PRICKLE2: variants seen among roughly 807,000 people sequenced by gnomAD.
PRICKLE2 encodes the protein prickle planar cell polarity protein 2.
A neutral mutation model predicts 81.4 loss-of-function variants in PRICKLE2; 21 were observed. The observed-to-expected ratio is 0.26, with a 90% CI of 0.18 to 0.37. The LOEUF is 0.37. Ranked by LOEUF, PRICKLE2 falls within the 10% of genes least tolerant of loss-of-function variation. The pLI is 1.00. For synonymous variants in PRICKLE2, 456 were observed against 421.5 expected (o/e 1.08, Z -1.00); for missense variants, 940 against 1,109.0 (o/e 0.85, Z 2.16).
rs1330211769 is a variant in PRICKLE2, at chr3:64,092,613, T to G, written c.*6438A>C. ...CCTGGCTCCCAGTCAGTGTTAATGC[T>G]GCCCTAACCAGAACACAGACATGGA... On this transcript the variant is annotated 3_prime_UTR_variant, in exon 8 of 8. Coordinates refer to ENST00000638394, the MANE Select transcript of PRICKLE2 (RefSeq NM_198859.4). The G allele has an allele frequency of 6.6e-6, 1 of 152,250 alleles. No homozygotes were observed. The highest frequency in any genetic ancestry group is 1.5e-5 in the Non-Finnish European group (1 of 68,046). 9.4% of individuals were successfully genotyped at this position (152,250 alleles called of 1,614,324 possible).
intron 2 of PRICKLE2, among the ~76,000 whole-genome samples, chr3:64,239,147 G>A (rs576349927): frequency 2.0e-5 from 3 of 152,020 alleles, no homozygotes; most frequent in East Asian, 1.9e-4. Context: ...CCTCACAGCC[G>A]GCTCCACACA....
intron 2 of PRICKLE2, among the ~76,000 whole-genome samples, chr3:64,193,037 T>C (rs1272315313): frequency 4.6e-5 from 7 of 152,128 alleles, no homozygotes; most frequent in Admixed American, 4.6e-4. Flanking sequence ...GTTATGATCT[T>C]CCTGGAGAGT....
At chr3:64,264,362 A>G (rs1238032043) in intron 2 of PRICKLE2, among the ~76,000 whole-genome samples, 1 of 152,168 alleles carries the variant, frequency 6.6e-6, no homozygotes, top group Non-Finnish European at 1.5e-5. Flanking sequence ...CCACCTGGAT[A>G]TTTCTTAAAT....
chr3:64,191,349 G>C (rs144622466), intron 2 of PRICKLE2, among the ~76,000 whole-genome samples: 6 of 152,270 alleles, frequency 3.9e-5, no homozygotes, highest in African/African-American at 1.4e-4. Flanking sequence ...GGAAACAACT[G>C]ACTTATTGAG....
chr3:64,193,863 C>T (rs697281), intron 2 of PRICKLE2, among the ~76,000 whole-genome samples: 55,228 of 152,060 alleles, frequency 0.36, 11,166 homozygotes, highest in East Asian at 0.69. Flanking sequence ...TCTGCCATCA[C>T]TGTGAGACTT....
intron 1 of PRICKLE2, among the ~76,000 whole-genome samples, chr3:64,202,809 A>G (rs568623209): frequency 5.9e-5 from 9 of 152,132 alleles, no homozygotes; most frequent in Non-Finnish European, 1.3e-4. Context: ...ACAATGTTCA[A>G]CAGAAGTAGC....
At chr3:64,235,638 C>T (rs969717257) in intron 2 of PRICKLE2, among the ~76,000 whole-genome samples, 3 of 152,178 alleles carry the variant, frequency 2.0e-5, no homozygotes, top group Non-Finnish European at 4.4e-5. Flanking sequence ...GATGTCCCTC[C>T]GGAGGGCCTG....
intron 2 of PRICKLE2, among the ~76,000 whole-genome samples, chr3:64,197,436 ATTGT>A (rs2078476826): frequency 6.6e-6 from 1 of 151,902 alleles, no homozygotes; most frequent in Non-Finnish European, 1.5e-5. Flanking sequence ...TTTTAATGGG[ATTGT>A]TTGGTTTTTC....
At chr3:64,161,073 C>T (rs2077725673) in intron 3 of PRICKLE2, among the ~76,000 whole-genome samples, 1 of 152,156 alleles carries the variant, frequency 6.6e-6, no homozygotes, top group South Asian at 2.1e-4. Flanking sequence ...AATCCTAAAA[C>T]AGAGATCCCT....
At position 64,136,164 on chromosome 3, in the gene PRICKLE2, G is replaced by A. The variant is rs1220994237; in HGVS notation, c.1660+10666C>T. On this transcript the variant is annotated intron_variant, in intron 7 of 7. Transcript: ENST00000638394. ...TCAAGGACATCTTCAGAAATTTTGA[G>A]AGGAGATATAATCCACTTTTTCTTT... Among the ~76,000 whole-genome samples, 3 of 152,124 alleles carry A rather than the reference G, an allele frequency of 2.0e-5. No individual in the cohort carries two copies. In the East Asian group the frequency reaches 5.8e-4, roughly 29 times the overall value.
At chr3:64,267,870 T>G (rs958781964) in intron 2 of PRICKLE2, 4 of 152,230 alleles carry the variant, frequency 2.6e-5, no homozygotes, top group Admixed American at 2.0e-4. Flanking sequence ...CCGCCCTCTG[T>G]GCTCCCCGGC....
intron 7 of PRICKLE2, among the ~76,000 whole-genome samples, chr3:64,116,715 AC>A (rs1224783851): frequency 6.6e-6 from 1 of 152,182 alleles, no homozygotes; most frequent in Non-Finnish European, 1.5e-5. Flanking sequence ...TAGCCTACCA[AC>A]CAAAAAAAGC....
chr3:64,172,899 A>T (rs1486807273), intron 2 of PRICKLE2, among the ~76,000 whole-genome samples: 1 of 152,328 alleles, frequency 6.6e-6, no homozygotes, highest in African/African-American at 2.4e-5. Flanking sequence ...CAGGAAGAAA[A>T]GCCTCACCAG....
intron 2 of PRICKLE2, among the ~76,000 whole-genome samples, chr3:64,165,438 A>C (rs2077814204): frequency 6.6e-6 from 1 of 152,192 alleles, no homozygotes; most frequent in Non-Finnish European, 1.5e-5. Flanking sequence ...AGGCACAAGC[A>C]TGTGGCTCTT....
chr3:64,265,013 C>T (rs574016379), intron 2 of PRICKLE2, among the ~76,000 whole-genome samples: 46 of 152,294 alleles, frequency 3.0e-4, no homozygotes, highest in Non-Finnish European at 5.4e-4. Context: ...ACAGTACCTG[C>T]GTCTGTTCCC....
At chr3:64,239,952 CAAAAAAAAAAA>C (rs57932723) in intron 2 of PRICKLE2, among the ~76,000 whole-genome samples, 8 of 32,244 alleles carry the variant, frequency 2.5e-4, no homozygotes, top group East Asian at 1.1e-3. Flanking sequence ...CCATCGCTAC[CAAAAAAAAAAA>C]AAAAAAAAAA....
At position 64,093,399 on chromosome 3, in the gene PRICKLE2, G is replaced by A. The variant is rs1296765481; in HGVS notation, c.*5652C>T. 6.6e-6 allele frequency: 1 copy of A among 152,212 alleles called. No individual in the cohort carries two copies. The highest frequency in any genetic ancestry group is 1.5e-5 in the Non-Finnish European group (1 of 68,060). 9.4% of individuals were successfully genotyped at this position (152,212 alleles called of 1,614,324 possible). A position where few individuals can be genotyped will look rare whatever the true frequency, so the allele number is the denominator to read the frequency against. ...TGGGTATAGCCCAGAAGTAGCATATGGTAGTAATTCTATTTTTAATTTTTT... is the reference window on the plus strand; with the variant it reads ...TGGGTATAGCCCAGAAGTAGCATATAGTAGTAATTCTATTTTTAATTTTTT... On this transcript the variant is annotated 3_prime_UTR_variant, in exon 8 of 8. Coordinates refer to ENST00000638394, the MANE Select transcript of PRICKLE2 (RefSeq NM_198859.4).
At chr3:64,136,633 G>A (rs2077284357) in intron 7 of PRICKLE2, among the ~76,000 whole-genome samples, 1 of 151,994 alleles carries the variant, frequency 6.6e-6, no homozygotes, top group Non-Finnish European at 1.5e-5. Context: ...TTTACGTATA[G>A]GCAGAGGAGG....
At chr3:64,138,185 A>C (rs1270296882) in intron 7 of PRICKLE2, among the ~76,000 whole-genome samples, 1 of 151,764 alleles carries the variant, frequency 6.6e-6, no homozygotes, top group Non-Finnish European at 1.5e-5. Context: ...CTTTGAAAAC[A>C]TGACCTTGAT....
Sources: allele counts gnomAD v4.1 joint callset (sites outside exome capture counted in the v4.1 genomes callset), GRCh38; gene constraint gnomAD v4.1.1; transcripts MANE v1.5; gene names NCBI Gene and HGNC (gene_info 2026-07-23, HGNC 2026-07-21).